Variants in RPGRIP1L observed in about 807,000 individuals in gnomAD.
RPGRIP1L encodes the protein RPGRIP1 like.
In RPGRIP1L, 131 loss-of-function variants were observed where a neutral mutation model predicts 160.4. The observed-to-expected ratio is 0.82, with a 90% CI of 0.71 to 0.94. The LOEUF (loss-of-function observed/expected upper bound fraction) is 0.94. Ranked by LOEUF, RPGRIP1L falls within the 40% of genes least tolerant of loss-of-function variation. The pLI is 0.00. For synonymous variants in RPGRIP1L, 510 were observed against 515.8 expected (o/e 0.99, Z 0.15); for missense variants, 1,522 against 1,535.8 (o/e 0.99, Z 0.15).
rs2151162630 is a variant in RPGRIP1L at position 53,658,482 on chromosome 16, A to T, written c.1351-18T>A. On this transcript the variant is annotated intron_variant, in intron 11 of 26. Coordinates refer to ENST00000647211, the MANE Select transcript of RPGRIP1L (RefSeq NM_015272.5). The stretch of plus-strand genomic sequence containing the variant: ...TCATTCTCCTGCAATAGATTAAGTA[A>T]AAGCTCACAATGAGTTATGAATGGA... 1.3e-6 allele frequency: 2 copies of T among 1,582,960 alleles called. No individual in the cohort carries two copies. The highest frequency in any genetic ancestry group is 4.5e-5 in the East Asian group (2 of 44,588).
Position 53,696,189 on chromosome 16 carries a change from A to G in RPGRIP1L, c.192T>C (p.Leu64=). 6.2e-7 allele frequency: 1 copy of G among 1,614,016 alleles called. No homozygotes were observed. The highest frequency in any genetic ancestry group is 1.1e-5 in the South Asian group (1 of 91,074). Residue 64 remains leucine (L), a synonymous_variant, in exon 3 of 27, where the codon CTT becomes CTC. Transcript: ENST00000647211. ...FLRLHDENIL[L]KQHARKQEDK... is the part of the protein sequence containing the mutation. ...CCTCCTGCTTGCGGGCATGCTGTTT[A>G]AGTAAAATGTTCTCATCATGCAAAC...
intron 6 of RPGRIP1L, among the ~76,000 whole-genome samples, chr16:53,677,179 C>G (rs1446555353): frequency 6.6e-6 from 1 of 152,140 alleles, no homozygotes; most frequent in Non-Finnish European, 1.5e-5. Flanking sequence ...TTTCAAAATA[C>G]TGCCAAAAAC....
chr16:53,685,122 C>T (rs751011057), intron 6 of RPGRIP1L, among the ~76,000 whole-genome samples: 8 of 152,224 alleles, frequency 5.3e-5, no homozygotes, highest in Middle Eastern at 3.4e-3. Flanking sequence ...AAAAGCTCAA[C>T]ATCACTGATC....
At chr16:53,688,848 C>T (rs1418836659) in intron 4 of RPGRIP1L, among the ~76,000 whole-genome samples, 1 of 151,904 alleles carries the variant, frequency 6.6e-6, no homozygotes, top group East Asian at 1.9e-4. Context: ...TAGTCAATAT[C>T]TATTGCTGTA....
At chr16:53,648,755 G>A (rs112772432) in intron 16 of RPGRIP1L, among the ~76,000 whole-genome samples, 49 of 151,870 alleles carry the variant, frequency 3.2e-4, no homozygotes, top group African/African-American at 1.1e-3. Context: ...TATGCAAGAC[G>A]TTACAATTAG....
chr16:53,598,642 T>C lies in RPGRIP1L; in HGVS notation c.*3434A>G, dbSNP rs189287720. 11 of 152,374 alleles carry C rather than the reference T, an allele frequency of 7.2e-5. No individual in the cohort carries two copies. In the East Asian group the frequency reaches 2.1e-3, roughly 29 times the overall value. 9.4% of individuals were successfully genotyped at this position (152,374 alleles called of 1,614,324 possible). On this transcript the variant is annotated 3_prime_UTR_variant, in exon 27 of 27. Coordinates refer to ENST00000647211, the MANE Select transcript of RPGRIP1L (RefSeq NM_015272.5). ...TTCTGGTTGACCTAGAGGTTGTTTTTGTTCTGAACAAAGGGGATGTAAATC... is the reference window on the plus strand; with the variant it reads ...TTCTGGTTGACCTAGAGGTTGTTTTCGTTCTGAACAAAGGGGATGTAAATC...
chr16:53,696,201 C>T lies in RPGRIP1L; in HGVS notation c.180G>A (p.Glu60=). The change falls in exon 3 of 27, where the codon GAG becomes GAA. Residue 60 remains glutamate (E), a synonymous_variant. Transcript: ENST00000647211. ...GGGCATGCTGTTTAAGTAAAATGTT[C>T]TCATCATGCAAACGCAAAAATCTGT... ...LEDRFLRLHD[E]NILLKQHARK... 6.2e-7 allele frequency: 1 copy of T among 1,613,986 alleles called. No homozygotes were observed. Among genetic ancestry groups the T allele is most frequent in the Non-Finnish European group, 8.5e-7 (1 of 1,179,952 alleles).
rs1002670180 is a variant in RPGRIP1L at position 53,648,876 on chromosome 16, A to T, written c.2304+88T>A. 9.4e-5 allele frequency: 116 copies of T among 1,227,642 alleles called. 3 individuals carry two copies. The South Asian group carries it at 1.4e-3, about 15-fold the overall frequency. 76.0% of individuals were successfully genotyped at this position (1,227,642 alleles called of 1,614,324 possible). ...TAAAAAAAGACACTTGATGGCTGTG[A>T]AAATGATTTTAGTTTAAAGCACGAC... On this transcript the variant is annotated intron_variant, in intron 16 of 26. Transcript: ENST00000647211.
At chr16:53,682,673 A>ATTTTTTTTTTTTTTTTTTTT (rs1969697207) in intron 6 of RPGRIP1L, among the ~76,000 whole-genome samples, 1 of 152,132 alleles carries the variant, frequency 6.6e-6, no homozygotes, top group African/African-American at 2.4e-5. Context: ...CCCTATATGA[A>ATTTTTTTTTTTTTTTTTTTT]TTTTTATATT....
chr16:53,700,933 G>T (rs1971347588), intron 1 of RPGRIP1L, among the ~76,000 whole-genome samples: 1 of 152,140 alleles, frequency 6.6e-6, no homozygotes, highest in Non-Finnish European at 1.5e-5. Context: ...TTTCAACAGT[G>T]TATTTCCTAT....
chr16:53,699,893 T>C (rs778992252), intron 2 of RPGRIP1L, among the ~76,000 whole-genome samples: 2 of 152,238 alleles, frequency 1.3e-5, no homozygotes, highest in Non-Finnish European at 2.9e-5. Context: ...TTGACCACTT[T>C]TCTGGTTTTC....
rs1392169949 is a variant in RPGRIP1L at position 53,658,716 on chromosome 16, T to A, written c.1350+56A>T. ...TGTAGTATAGTGCTTTCTCTATGCA[T>A]AAAATATTGAGATAAAAATTCTGAG... On this transcript the variant is annotated intron_variant, in intron 11 of 26. Transcript: ENST00000647211. 10 of 1,211,982 alleles carry A rather than the reference T, an allele frequency of 8.3e-6. No homozygotes were observed. In the African/African-American group the frequency reaches 1.4e-4, roughly 16 times the overall value. The allele number at this position is 1,211,982 out of a possible 1,614,324, so 75.1% of individuals were successfully genotyped here. A position where few individuals can be genotyped will look rare whatever the true frequency, so the allele number is the denominator to read the frequency against.
In RPGRIP1L at chr16:53,601,536, T is replaced by C. The variant is rs1398326928; in HGVS notation, c.*540A>G. The C allele has an allele frequency of 3.8e-5, 6 of 156,520 alleles. No homozygotes were observed. The highest frequency in any genetic ancestry group is 1.2e-4 in the African/African-American group (5 of 41,470). The allele number at this position is 156,520 out of a possible 1,614,324, so 9.7% of individuals were successfully genotyped here. On this transcript the variant is annotated 3_prime_UTR_variant, in exon 27 of 27. Coordinates refer to ENST00000647211, the MANE Select transcript of RPGRIP1L (RefSeq NM_015272.5). The stretch of plus-strand genomic sequence containing the variant: ...AATGCATACTGAGCTTTAATGTGCA[T>C]AAAATGGATATTAGCATTTTAAAGA...
chr16:53,621,915 C>CG (rs1422785479), intron 23 of RPGRIP1L, among the ~76,000 whole-genome samples: 2 of 135,844 alleles, frequency 1.5e-5, no homozygotes, highest in African/African-American at 5.7e-5. Context: ...CCCAGCTACT[C>CG]GGGAGGCTGA....
intron 12 of RPGRIP1L, 72 bp from the exon 13 acceptor site, chr16:53,657,704 G>T: frequency 1.2e-6 from 1 of 833,984 alleles, no homozygotes; most frequent in Non-Finnish European, 1.9e-6. Context: ...TAATATAGAT[G>T]TATCAATAAA....
chr16:53,701,086 T>A (rs1179800745), intron 1 of RPGRIP1L, among the ~76,000 whole-genome samples: 2 of 152,228 alleles, frequency 1.3e-5, no homozygotes, highest in Non-Finnish European at 2.9e-5. Flanking sequence ...GCTCTATCAT[T>A]AACAAACTAG....
Position 53,649,052 on chromosome 16 carries a change from A to G in RPGRIP1L, c.2216T>C (p.Met739Thr). 1 of 1,614,024 alleles carries G rather than the reference A, an allele frequency of 6.2e-7. No homozygotes were observed. The highest frequency in any genetic ancestry group is 1.7e-4 in the Middle Eastern group (1 of 6,060). Residue 739 changes from methionine (M) to threonine (T), a missense_variant, in exon 16 of 27, where the codon ATG becomes ACG. Physicochemically the swap from Met to Thr is moderately conservative, Grantham distance 81. Coordinates refer to ENST00000647211, the MANE Select transcript of RPGRIP1L (RefSeq NM_015272.5). Reference protein sequence around the residue: ...VEYWFRLRVPMDQAIRLYRER... With the variant: ...VEYWFRLRVPTDQAIRLYRER... ...TCGATAAAGTCGAATTGCTTGATCC[A>G]TGGGAACTCTTAATCGGAACCAGTA...
At position 53,641,317 on chromosome 16, in the gene RPGRIP1L, G is replaced by A. The variant is rs1486116698; in HGVS notation, c.2842C>T (p.Pro948Ser). The change falls in exon 18 of 27, where the codon CCT (proline) becomes TCT (serine). Residue 948 changes from proline to serine, a missense_variant. Pro to Ser is a moderately conservative substitution (Grantham distance 74). Transcript: ENST00000647211. ...SEEPEVVQRL[P>S]PASSVSTLVL... is the part of the protein sequence containing the mutation. ...AGTGTGCTAACAGAGGATGCTGGAG[G>A]AAGTCTTTGAACAACTTCTGGCTCT... is the stretch of plus-strand genomic sequence containing the variant. 1 of 1,613,902 alleles carries A rather than the reference G, an allele frequency of 6.2e-7. No homozygotes were observed. The highest frequency in any genetic ancestry group is 2.2e-5 in the East Asian group (1 of 44,874).
chr16:53,651,545 C>T (rs896424286), intron 15 of RPGRIP1L, among the ~76,000 whole-genome samples: 1 of 152,184 alleles, frequency 6.6e-6, no homozygotes, highest in Non-Finnish European at 1.5e-5. Context: ...ACTGGGCTTA[C>T]TGCTGTTCCT....
Sources: allele counts gnomAD v4.1 joint callset (sites outside exome capture counted in the v4.1 genomes callset), GRCh38; gene constraint gnomAD v4.1.1; transcripts MANE v1.5; gene names NCBI Gene and HGNC (gene_info 2026-07-23, HGNC 2026-07-21).